EPHA6: variants seen among roughly 807,000 people sequenced by gnomAD.
The protein encoded by EPHA6 is ephrin type-A receptor 6.
In EPHA6, 50 loss-of-function variants were observed where a neutral mutation model predicts 112.0. The ratio of observed to expected loss-of-function variants is 0.45; its 90% CI spans 0.36 to 0.56. The LOEUF is 0.56. Ranked by LOEUF, EPHA6 falls within the 20% of genes least tolerant of loss-of-function variation. EPHA6 has a pLI of 0.00. For missense variants in EPHA6, 1,280 were observed against 1,417.4 expected, an observed-to-expected ratio of 0.90 and a Z score of 1.56; for synonymous variants, 529 against 490.7, an observed-to-expected ratio of 1.08 and a Z score of -1.03.
chr3:97,474,338 A>G (rs2091310121), intron 7 of EPHA6, among the ~76,000 whole-genome samples: 1 of 151,666 alleles, frequency 6.6e-6, no homozygotes, highest in South Asian at 2.1e-4. Context: ...TCAAAATAAA[A>G]AACAAGTTTA....
At chr3:97,629,252 A>G (rs1249984130) in intron 13 of EPHA6, among the ~76,000 whole-genome samples, 1 of 151,994 alleles carries the variant, frequency 6.6e-6, no homozygotes, top group African/African-American at 2.4e-5. Flanking sequence ...CATAAAAACT[A>G]TAGTTGAAAC....
chr3:96,852,164 G>C (rs2035430040), intron 1 of EPHA6, among the ~76,000 whole-genome samples: 1 of 152,014 alleles, frequency 6.6e-6, no homozygotes, highest in African/African-American at 2.4e-5. Flanking sequence ...GAATGGAAAT[G>C]CCTCTTTTTC....
At chr3:97,252,762 A>C (rs557517761) in intron 5 of EPHA6, among the ~76,000 whole-genome samples, 3 of 152,356 alleles carry the variant, frequency 2.0e-5, no homozygotes, top group Admixed American at 6.5e-5. Context: ...CACTTTAAAA[A>C]TATGAGTGCA....
chr3:96,980,709 G>T (rs957617587), intron 2 of EPHA6, among the ~76,000 whole-genome samples: 4 of 152,038 alleles, frequency 2.6e-5, no homozygotes, highest in African/African-American at 9.7e-5. Context: ...CCATTTCTTT[G>T]TATCCTGTTA....
chr3:97,450,336 G>T (rs918153443), intron 7 of EPHA6, among the ~76,000 whole-genome samples: 11 of 151,908 alleles, frequency 7.2e-5, no homozygotes, highest in African/African-American at 2.2e-4. Context: ...TCTTTTTTAG[G>T]CTGTGTTTCT....
At chr3:97,347,937 TTACTC>T (rs201133204) in intron 5 of EPHA6, among the ~76,000 whole-genome samples, 2,380 of 152,240 alleles carry the variant, frequency 0.016, 29 homozygotes, top group Middle Eastern at 0.037. Context: ...TAGAGTTAAT[TTACTC>T]TACAGAGTCT....
intron 5 of EPHA6, among the ~76,000 whole-genome samples, chr3:97,359,140 C>T (rs1421863675): frequency 6.6e-6 from 1 of 151,404 alleles, no homozygotes; most frequent in African/African-American, 2.4e-5. Context: ...TAATTATTCC[C>T]TCTGCTCTTT....
chr3:97,721,853 C>G (rs1206072016), intron 15 of EPHA6, among the ~76,000 whole-genome samples: 1 of 152,132 alleles, frequency 6.6e-6, no homozygotes, highest in Non-Finnish European at 1.5e-5. Context: ...AAATTTGTTC[C>G]TTCACTTTCA....
intron 3 of EPHA6, among the ~76,000 whole-genome samples, chr3:97,080,676 A>G (rs918390986): frequency 6.6e-6 from 1 of 152,100 alleles, no homozygotes; most frequent in East Asian, 1.9e-4. Context: ...ATTTAAGAAC[A>G]TAGTGCTTAT....
chr3:97,551,669 G>A (rs927031572), intron 11 of EPHA6, among the ~76,000 whole-genome samples: 2 of 152,094 alleles, frequency 1.3e-5, no homozygotes, highest in Non-Finnish European at 2.9e-5. Context: ...TAGCACCTCT[G>A]TGACTTTGTC....
intron 5 of EPHA6, among the ~76,000 whole-genome samples, chr3:97,301,772 T>C (rs2081101526): frequency 6.6e-6 from 1 of 152,168 alleles, no homozygotes; most frequent in African/African-American, 2.4e-5. Context: ...ACTAGTTCAC[T>C]TAAAAACTTG....
chr3:97,267,745 C>G (rs1482322022), intron 5 of EPHA6, among the ~76,000 whole-genome samples: 1 of 152,036 alleles, frequency 6.6e-6, no homozygotes, highest in Non-Finnish European at 1.5e-5. Flanking sequence ...TGGGGAAATT[C>G]TAGGCCCAAG....
chr3:97,559,404 G>A (rs891455896), intron 11 of EPHA6, among the ~76,000 whole-genome samples: 10 of 151,944 alleles, frequency 6.6e-5, no homozygotes, highest in Admixed American at 2.0e-4. Context: ...GAACCAGAAA[G>A]GCAGGACATA....
intron 11 of EPHA6, among the ~76,000 whole-genome samples, chr3:97,567,930 A>T (rs1456361234): frequency 1.3e-5 from 2 of 152,044 alleles, no homozygotes; most frequent in Non-Finnish European, 2.9e-5. Flanking sequence ...ACAGTTTAGG[A>T]TTGGTATTTT....
At position 97,751,852 on chromosome 3, in the gene EPHA6, TA is replaced by T. The variant is rs973632642; in HGVS notation, c.*3155del. Among the ~76,000 whole-genome samples, 5 of 152,308 alleles carry T rather than the reference TA, an allele frequency of 3.3e-5. No individual in the cohort carries two copies. The highest frequency in any genetic ancestry group is 1.2e-4 in the African/African-American group (5 of 41,588). On this transcript the variant is annotated 3_prime_UTR_variant, in exon 18 of 18. Transcript: ENST00000389672. The stretch of plus-strand genomic sequence containing the variant: ...GCTACTGAGGGGGTGTTTTGGATTT[TA>T]AAACCAGACAGTTAAAAAATCATTT...
chr3:97,530,636 A>G (rs764597663), intron 10 of EPHA6, among the ~76,000 whole-genome samples: 2 of 151,538 alleles, frequency 1.3e-5, no homozygotes, highest in African/African-American at 2.4e-5. Context: ...TTGTTGCCAA[A>G]TTTATACAAG....
At chr3:96,924,968 G>A (rs374394277) in intron 2 of EPHA6, among the ~76,000 whole-genome samples, 1 of 152,052 alleles carries the variant, frequency 6.6e-6, no homozygotes, top group South Asian at 2.1e-4. Flanking sequence ...TGCATATGTT[G>A]AAACAACCTC....
chr3:97,556,412 G>A (rs2093110320), intron 11 of EPHA6, among the ~76,000 whole-genome samples: 1 of 151,982 alleles, frequency 6.6e-6, no homozygotes, highest in African/African-American at 2.4e-5. Context: ...ATGGCTGGGG[G>A]GTCCTCAGGA....
chr3:97,052,765 C>A (rs1461334324), intron 3 of EPHA6, among the ~76,000 whole-genome samples: 1 of 151,948 alleles, frequency 6.6e-6, no homozygotes, highest in Non-Finnish European at 1.5e-5. Flanking sequence ...GATAATATAC[C>A]CTGTTTCTAC....
Sources: gnomAD v4.1 joint callset for allele counts (sites outside exome capture counted in the v4.1 genomes callset) on GRCh38, gnomAD v4.1.1 for gene constraint, MANE v1.5 for transcripts, NCBI Gene and HGNC (gene_info 2026-07-23, HGNC 2026-07-21) for gene names.